SRF: variants seen among roughly 807,000 people sequenced by gnomAD.
The protein encoded by SRF is serum response factor.
A neutral mutation model predicts 37.1 loss-of-function variants in SRF; 7 were observed. The ratio of observed to expected loss-of-function variants is 0.19; its 90% CI spans 0.11 to 0.35. The LOEUF is 0.35. Among genes scored for constraint, SRF ranks in the 10% least tolerant of loss-of-function variants. The probability of loss-of-function intolerance (pLI) is 1.00; values close to 1 mark genes in which losing one functional copy is unlikely to be tolerated. For missense variants in SRF, 395 were observed against 694.4 expected, an observed-to-expected ratio of 0.57 and a Z score of 4.85; for synonymous variants, 285 against 310.1, an observed-to-expected ratio of 0.92 and a Z score of 0.85.
chr6:43,180,897 C>T lies in SRF; in HGVS notation c.*1707C>T, dbSNP rs2150499695. On this transcript the variant is annotated 3_prime_UTR_variant, in exon 7 of 7. Transcript: ENST00000265354. ...TGAGAACCCCCTAACCTCTAACCCT[C>T]ATTGCTGTCTTGCCCCAGTTTGGGG... 1 of 152,490 alleles carries T rather than the reference C, an allele frequency of 6.6e-6. No homozygotes were observed. Among genetic ancestry groups the T allele is most frequent in the Non-Finnish European group, 1.5e-5 (1 of 68,052 alleles). The allele number at this position is 152,490 out of a possible 1,614,324, so 9.4% of individuals were successfully genotyped here.
Position 43,178,765 on chromosome 6 carries a change from CAACA to C in SRF, c.1355-35_1355-32del. 6.2e-7 allele frequency: 1 copy of C among 1,604,926 alleles called. No homozygotes were observed. Among genetic ancestry groups the C allele is most frequent in the Non-Finnish European group, 8.5e-7 (1 of 1,171,808 alleles). ...CCACTCCTCCAATATCTGGAAGTTT[CAACA>C]AACAATTTGAGTATCTCCTGTGGTT... On this transcript the variant is annotated intron_variant, in intron 5 of 6. Coordinates refer to ENST00000265354, the MANE Select transcript of SRF (RefSeq NM_003131.4). This position sits in a 1 kb window ranked among gnomAD's most constrained non-coding sequence, Gnocchi z 4.3.
At position 43,176,083 on chromosome 6, in the gene SRF, A is replaced by C; in HGVS notation, c.1042+116A>C. The C allele has an allele frequency of 7.1e-7, 1 of 1,416,694 alleles. No individual in the cohort carries two copies. Among genetic ancestry groups the C allele is most frequent in the Non-Finnish European group, 9.5e-7 (1 of 1,055,896 alleles). The allele number at this position is 1,416,694 out of a possible 1,614,324, so 87.8% of individuals were successfully genotyped here. On this transcript the variant is annotated intron_variant, in intron 3 of 6. Coordinates refer to ENST00000265354, the MANE Select transcript of SRF (RefSeq NM_003131.4). This position sits in a 1 kb window ranked among gnomAD's most constrained non-coding sequence, Gnocchi z 4.0. ...CTTTCCCTGCTCAGAAGGAAGGTGA[A>C]TAGGGGCCAGAGCCTGAGCGAAGCC... is the stretch of plus-strand genomic sequence containing the variant.
chr6:43,180,417 G>A lies in SRF; in HGVS notation c.*1227G>A, dbSNP rs1772296044. Reference sequence around the variant, plus strand: ...TGGGAGGGGGTGAGAGGCAGGAATGGGGGTCAGAAGAAGTGGGAGCAGCTT... The same window carrying A: ...TGGGAGGGGGTGAGAGGCAGGAATGAGGGTCAGAAGAAGTGGGAGCAGCTT... On this transcript the variant is annotated 3_prime_UTR_variant, in exon 7 of 7. Coordinates refer to ENST00000265354, the MANE Select transcript of SRF (RefSeq NM_003131.4). 6.5e-6 allele frequency: 1 copy of A among 152,704 alleles called. No individual in the cohort carries two copies. The highest frequency in any genetic ancestry group is 1.5e-5 in the Non-Finnish European group (1 of 68,092). 9.5% of individuals were successfully genotyped at this position (152,704 alleles called of 1,614,324 possible).
At position 43,172,031 on chromosome 6, in the gene SRF, G is replaced by T; in HGVS notation, c.375G>T (p.Gly125=). The change falls in exon 1 of 7, where the codon GGG becomes GGT. Residue 125 remains glycine (G), a synonymous_variant. Transcript: ENST00000265354. This position sits in a 1 kb window ranked among gnomAD's most constrained non-coding sequence, Gnocchi z 5.7. The part of the protein sequence containing the change: ...EASAAATGGY[G]PVSGAVSGAK... ...CGGCAGCGGCCACCGGGGGCTACGG[G>T]CCGGTGAGCGGCGCGGTGAGCGGGG... 1 of 1,598,026 alleles carries T rather than the reference G, an allele frequency of 6.3e-7. No homozygotes were observed. The highest frequency in any genetic ancestry group is 8.5e-7 in the Non-Finnish European group (1 of 1,173,264).
Position 43,171,588 on chromosome 6 carries a change from C to G in SRF, c.-69C>G. Reference sequence around the variant, plus strand: ...GGGAGTGCCGGGTTGAGCCGGGAAGCCGATGGCGGCGGCTGCGGCGGCTCC... The same window carrying G: ...GGGAGTGCCGGGTTGAGCCGGGAAGGCGATGGCGGCGGCTGCGGCGGCTCC... On this transcript the variant is annotated 5_prime_UTR_variant, in exon 1 of 7. Coordinates refer to ENST00000265354, the MANE Select transcript of SRF (RefSeq NM_003131.4). The surrounding 1 kb of genome is among the most constrained non-coding windows in gnomAD (Gnocchi z 6.5). The G allele has an allele frequency of 8.5e-7, 1 of 1,174,020 alleles. No individual in the cohort carries two copies. Among genetic ancestry groups the G allele is most frequent in the Non-Finnish European group, 1.1e-6 (1 of 948,402 alleles). 72.7% of individuals were successfully genotyped at this position (1,174,020 alleles called of 1,614,324 possible).
In SRF at chr6:43,179,651, G is replaced by A; in HGVS notation, c.*461G>A. 1 of 186,734 alleles carries A rather than the reference G, an allele frequency of 5.4e-6. No individual in the cohort carries two copies. Among genetic ancestry groups the A allele is most frequent in the South Asian group, 1.0e-4 (1 of 9,820 alleles). 11.6% of individuals were successfully genotyped at this position (186,734 alleles called of 1,614,324 possible). On this transcript the variant is annotated 3_prime_UTR_variant, in exon 7 of 7. Transcript: ENST00000265354. The surrounding 1 kb of genome is among the most constrained non-coding windows in gnomAD (Gnocchi z 5.3). ...CACAGGCTGGGTCAAAAGAGCCCTGGCTCTGCCCCTCAGGGGGCCAGCTGG... is the reference window on the plus strand; with the variant it reads ...CACAGGCTGGGTCAAAAGAGCCCTGACTCTGCCCCTCAGGGGGCCAGCTGG...
intron 2 of SRF, 92 bp from the exon 3 acceptor site, chr6:43,175,614 C>G: frequency 6.5e-7 from 1 of 1,543,090 alleles, no homozygotes; most frequent in South Asian, 1.2e-5. Flanking sequence ...CCCAAGCTCA[C>G]TGGTTTCAGT....
Position 43,173,906 on chromosome 6 carries a change from A to G in SRF, c.573A>G (p.Thr191=). 1 of 1,614,152 alleles carries G rather than the reference A, an allele frequency of 6.2e-7. No homozygotes were observed. The highest frequency in any genetic ancestry group is 8.5e-7 in the Non-Finnish European group (1 of 1,180,004). Residue 191 remains threonine (T), a synonymous_variant, in exon 2 of 7, where the codon ACA becomes ACG. Transcript: ENST00000265354. The surrounding 1 kb of genome is among the most constrained non-coding windows in gnomAD (Gnocchi z 4.2). ...TQVLLLVASE[T]GHVYTFATRK... ...TGCTGTTGCTGGTGGCCAGTGAGACAGGCCATGTGTATACCTTTGCCACCC... is the reference window on the plus strand; with the variant it reads ...TGCTGTTGCTGGTGGCCAGTGAGACGGGCCATGTGTATACCTTTGCCACCC...
Position 43,172,707 on chromosome 6 carries a change from CAGG to C in SRF, c.513+541_513+543del, listed in dbSNP as rs566759869. On this transcript the variant is annotated intron_variant, in intron 1 of 6. Coordinates refer to ENST00000265354, the MANE Select transcript of SRF (RefSeq NM_003131.4). The surrounding 1 kb of genome is among the most constrained non-coding windows in gnomAD (Gnocchi z 5.7). ...TTAGGGACCAGGTAAGGGAGCGGGG[CAGG>C]AGAACTGGTGCTGCCCTGAGCAGCA... 4.9e-4 allele frequency among the ~76,000 whole-genome samples: 75 copies of C among 152,132 alleles called. No homozygotes were observed. The highest frequency in any genetic ancestry group is 9.1e-4 in the Non-Finnish European group (62 of 68,016).
chr6:43,176,618 C>T lies in SRF; in HGVS notation c.1113C>T (p.Pro371=), dbSNP rs189508478. The change falls in exon 4 of 7, where the codon CCC becomes CCT. Residue 371 remains proline (P), a synonymous_variant. Transcript: ENST00000265354. This position sits in a 1 kb window ranked among gnomAD's most constrained non-coding sequence, Gnocchi z 4.0. ...ACCAGGCCCCACAGCAAGCGTCTCC[C>T]TCCCGTGACAGCAGCACAGACCTCA... is the stretch of plus-strand genomic sequence containing the variant. ...QVHQAPQQAS[P]SRDSSTDLTQ... is the part of the protein sequence containing the mutation. 8 of 1,614,174 alleles carry T rather than the reference C, an allele frequency of 5.0e-6. No individual in the cohort carries two copies. The highest frequency in any genetic ancestry group is 1.3e-5 in the African/African-American group (1 of 75,048).
rs759591573 is a variant in SRF at position 43,173,823 on chromosome 6, C to T, written c.514-24C>T. ...TAGAGATAAAAAGTTTGCTGACCTG[C>T]CCATCTCCCTCCTCACCCCTCAGGC... is the stretch of plus-strand genomic sequence containing the variant. On this transcript the variant is annotated intron_variant, in intron 1 of 6. Coordinates refer to ENST00000265354, the MANE Select transcript of SRF (RefSeq NM_003131.4). The surrounding 1 kb of genome is among the most constrained non-coding windows in gnomAD (Gnocchi z 4.2). 2 of 1,604,650 alleles carry T rather than the reference C, an allele frequency of 1.2e-6. No individual in the cohort carries two copies. The highest frequency in any genetic ancestry group is 8.5e-7 in the Non-Finnish European group (1 of 1,173,476).
rs1265716442 is a variant in SRF at position 43,172,460 on chromosome 6, C to G, written c.513+291C>G. 14 of 985,156 alleles carry G rather than the reference C, an allele frequency of 1.4e-5. No individual in the cohort carries two copies. Among genetic ancestry groups the G allele is most frequent in the Non-Finnish European group, 1.7e-5 (14 of 829,828 alleles). The allele number at this position is 985,156 out of a possible 1,614,324, so 61.0% of individuals were successfully genotyped here. A position where few individuals can be genotyped will look rare whatever the true frequency, so the allele number is the denominator to read the frequency against. On this transcript the variant is annotated intron_variant, in intron 1 of 6. Coordinates refer to ENST00000265354, the MANE Select transcript of SRF (RefSeq NM_003131.4). This position sits in a 1 kb window ranked among gnomAD's most constrained non-coding sequence, Gnocchi z 5.7. ...CCTTGCTGAGTGAAGGGGTGAGGAG[C>G]GGTGATGGGAGGCTACGAGGCTGCC...
At position 43,173,774 on chromosome 6, in the gene SRF, CT is replaced by C; in HGVS notation, c.514-68del. On this transcript the variant is annotated intron_variant, in intron 1 of 6. Transcript: ENST00000265354. The surrounding 1 kb of genome is among the most constrained non-coding windows in gnomAD (Gnocchi z 4.2). ...GGGGGAATGACATCACTGTATAATT[CT>C]TTTTCCAACTTCTCAAGGAAGGTAG... The C allele has an allele frequency of 6.4e-7, 1 of 1,552,124 alleles. No homozygotes were observed. Among genetic ancestry groups the C allele is most frequent in the Non-Finnish European group, 8.7e-7 (1 of 1,146,894 alleles).
rs1486668700 is a variant in SRF at position 43,180,661 on chromosome 6, G to T, written c.*1471G>T. The T allele has an allele frequency of 6.5e-6, 1 of 152,676 alleles. No homozygotes were observed. The highest frequency in any genetic ancestry group is 1.5e-5 in the Non-Finnish European group (1 of 68,084). 9.5% of individuals were successfully genotyped at this position (152,676 alleles called of 1,614,324 possible). On this transcript the variant is annotated 3_prime_UTR_variant, in exon 7 of 7. Transcript: ENST00000265354. Reference sequence around the variant, plus strand: ...CCTTGAGGGTGGGCCAGCATAGGGGGGAGGGTCTTTTACCCTGTGTCAGAG... The same window carrying T: ...CCTTGAGGGTGGGCCAGCATAGGGGTGAGGGTCTTTTACCCTGTGTCAGAG...
chr6:43,177,228 G>GGTTTTTTTTTTTT (rs1772214430), intron 4 of SRF, among the ~76,000 whole-genome samples: 1 of 116,848 alleles, frequency 8.6e-6, no homozygotes, highest in African/African-American at 3.8e-5. Flanking sequence ...ATCGGAGTCT[G>GGTTTTTTTTTTTT]TTTTTTTTTT....
In SRF at chr6:43,176,786, A is replaced by C. The variant is rs2150496777; in HGVS notation, c.1162+119A>C. 2 of 1,433,060 alleles carry C rather than the reference A, an allele frequency of 1.4e-6. No homozygotes were observed. Among genetic ancestry groups the C allele is most frequent in the South Asian group, 1.3e-5 (1 of 74,908 alleles). The allele number at this position is 1,433,060 out of a possible 1,614,324, so 88.8% of individuals were successfully genotyped here. A position where few individuals can be genotyped will look rare whatever the true frequency, so the allele number is the denominator to read the frequency against. ...AGGGGATTTCTTAAAGTGGAGATTG[A>C]GGCTTTGGGCCTAATAATTATGGGG... On this transcript the variant is annotated intron_variant, in intron 4 of 6. Coordinates refer to ENST00000265354, the MANE Select transcript of SRF (RefSeq NM_003131.4). This position sits in a 1 kb window ranked among gnomAD's most constrained non-coding sequence, Gnocchi z 4.0.
Position 43,180,331 on chromosome 6 carries a change from C to G in SRF, c.*1141C>G, listed in dbSNP as rs1202663472. On this transcript the variant is annotated 3_prime_UTR_variant, in exon 7 of 7. Coordinates refer to ENST00000265354, the MANE Select transcript of SRF (RefSeq NM_003131.4). The stretch of plus-strand genomic sequence containing the variant: ...GTGCCACACGCATGGGCATTGCAGC[C>G]TTGCGCTGTCCCAGGCATGCAGCTG... 1 of 152,164 alleles carries G rather than the reference C, an allele frequency of 6.6e-6. No homozygotes were observed. The highest frequency in any genetic ancestry group is 6.6e-5 in the Admixed American group (1 of 15,260). The allele number at this position is 152,164 out of a possible 1,614,324, so 9.4% of individuals were successfully genotyped here. A position where few individuals can be genotyped will look rare whatever the true frequency, so the allele number is the denominator to read the frequency against.
rs368203115 is a variant in SRF, at chr6:43,174,131, A to G, written c.780+18A>G. The G allele has an allele frequency of 1.5e-4, 238 of 1,613,006 alleles. No individual in the cohort carries two copies. The South Asian group carries it at 2.4e-3, about 16-fold the overall frequency. The stretch of plus-strand genomic sequence containing the variant: ...AGACCAAGGTGTGTTTGGGTTGCCT[A>G]TGTGAGAGGAGGGAAGGGAGTGGGG... On this transcript the variant is annotated intron_variant, in intron 2 of 6. Transcript: ENST00000265354.
intron 2 of SRF, among the ~76,000 whole-genome samples, chr6:43,174,632 C>G (rs1402556311): frequency 6.6e-6 from 1 of 152,232 alleles, no homozygotes; most frequent in Non-Finnish European, 1.5e-5. Flanking sequence ...GCTGTTACTC[C>G]TCCCCCTTCC....
Sources: allele counts gnomAD v4.1 joint callset (sites outside exome capture counted in the v4.1 genomes callset), GRCh38; gene constraint gnomAD v4.1.1; non-coding constraint Gnocchi (gnomAD v3.1); transcripts MANE v1.5; gene names NCBI Gene and HGNC (gene_info 2026-07-23, HGNC 2026-07-21).